SLC39A8: variants seen among roughly 807,000 people sequenced by gnomAD.
SLC39A8 encodes metal cation symporter ZIP8.
A neutral mutation model predicts 40.4 loss-of-function variants in SLC39A8; 15 were observed. The ratio of observed to expected loss-of-function variants is 0.37; its 90% CI spans 0.25 to 0.57. The LOEUF (loss-of-function observed/expected upper bound fraction) is 0.57. Among genes scored for constraint, SLC39A8 ranks in the 20% least tolerant of loss-of-function variants. The pLI is 0.75. For synonymous variants in SLC39A8, 223 were observed against 221.6 expected (o/e 1.01, Z -0.06); for missense variants, 472 against 558.8 (o/e 0.84, Z 1.57).
intron 2 of SLC39A8, among the ~76,000 whole-genome samples, chr4:102,342,322 G>A (rs151234555): frequency 6.6e-6 from 1 of 152,310 alleles, no homozygotes; most frequent in African/African-American, 2.4e-5. Context: ...CCAACAGGGA[G>A]AAACCTCATC....
intron 6 of SLC39A8, among the ~76,000 whole-genome samples, chr4:102,286,539 C>T (rs1045645979): frequency 7.1e-6 from 1 of 140,054 alleles, no homozygotes; most frequent in African/African-American, 2.5e-5. Flanking sequence ...TCTCCAGCAT[C>T]AAAGGCGAGA....
chr4:102,293,690 T>A (rs917179227), intron 6 of SLC39A8, among the ~76,000 whole-genome samples: 1 of 151,866 alleles, frequency 6.6e-6, no homozygotes, highest in South Asian at 2.1e-4. Context: ...ATATAGTAAA[T>A]TACCAAACCA....
intron 4 of SLC39A8, 67 bp from the exon 5 acceptor site, chr4:102,305,178 C>A: frequency 6.7e-7 from 1 of 1,483,066 alleles, no homozygotes; most frequent in Admixed American, 1.9e-5. Flanking sequence ...GAAAATAATA[C>A]CAGTATGCAA....
At chr4:102,344,320 T>G in intron 2 of SLC39A8, 124 bp downstream of exon 2, 1 of 658,826 alleles carries the variant, frequency 1.5e-6, no homozygotes, top group Non-Finnish European at 2.4e-6. Flanking sequence ...GATACCGCCT[T>G]CTACTTGAGA....
intron 6 of SLC39A8, among the ~76,000 whole-genome samples, chr4:102,295,128 A>G (rs916168929): frequency 6.7e-6 from 1 of 148,214 alleles, no homozygotes; most frequent in Non-Finnish European, 1.5e-5. Flanking sequence ...ATTAATATAT[A>G]ATATAAAACT....
intron 6 of SLC39A8, among the ~76,000 whole-genome samples, chr4:102,273,576 A>C (rs1732469839): frequency 6.6e-6 from 1 of 152,180 alleles, no homozygotes; most frequent in South Asian, 2.1e-4. Flanking sequence ...CAGATCTCCC[A>C]GCATAGTGCT....
At chr4:102,288,135 C>G (rs1263700235) in intron 6 of SLC39A8, among the ~76,000 whole-genome samples, 1 of 152,136 alleles carries the variant, frequency 6.6e-6, no homozygotes, top group Non-Finnish European at 1.5e-5. Flanking sequence ...TTGAGCAAGT[C>G]TATCAGCACC....
chr4:102,296,490 G>A (rs1733681738), intron 6 of SLC39A8, among the ~76,000 whole-genome samples: 1 of 152,054 alleles, frequency 6.6e-6, no homozygotes, highest in African/African-American at 2.4e-5. Flanking sequence ...TTTATCACAA[G>A]TGTACAATGT....
intron 3 of SLC39A8, among the ~76,000 whole-genome samples, chr4:102,312,391 T>C (rs946090145): frequency 2.6e-5 from 4 of 152,088 alleles, no homozygotes; most frequent in Non-Finnish European, 4.4e-5. Flanking sequence ...TAACTTAGAA[T>C]TGCTGACTTT....
chr4:102,283,045 A>G (rs1732975538), intron 6 of SLC39A8, among the ~76,000 whole-genome samples: 1 of 152,184 alleles, frequency 6.6e-6, no homozygotes, highest in Admixed American at 6.5e-5. Flanking sequence ...GAAGACTTTT[A>G]TTGGCAACCA....
chr4:102,304,259 AT>A (rs1460036646), intron 6 of SLC39A8, 57 bp downstream of exon 6: 26 of 1,311,154 alleles, frequency 2.0e-5, no homozygotes, highest in Non-Finnish European at 2.8e-5. Flanking sequence ...ATAAACAGTC[AT>A]GTTTACACAG....
intron 3 of SLC39A8, among the ~76,000 whole-genome samples, chr4:102,308,258 G>A (rs995990414): frequency 6.6e-6 from 1 of 152,018 alleles, no homozygotes; most frequent in African/African-American, 2.4e-5. Flanking sequence ...GGGGCAGGAG[G>A]GAGCAGCTGC....
intron 2 of SLC39A8, among the ~76,000 whole-genome samples, chr4:102,321,467 T>G (rs1734965156): frequency 6.6e-6 from 1 of 152,200 alleles, no homozygotes; most frequent in African/African-American, 2.4e-5. Context: ...CTGGAACCAA[T>G]CTGTGAGATG....
At chr4:102,291,139 C>A (rs991765510) in intron 6 of SLC39A8, among the ~76,000 whole-genome samples, 1 of 151,976 alleles carries the variant, frequency 6.6e-6, no homozygotes, top group African/African-American at 2.4e-5. Context: ...ATGACAAACT[C>A]CTTAAAATAG....
rs540562153 is a variant in SLC39A8 at position 102,320,431 on chromosome 4, T to C, written c.220-4601A>G. Reference sequence around the variant, plus strand: ...GAGAATATATATATGAGAATATATATATATGAGAATATATATATGAGAGTA... The same window carrying C: ...GAGAATATATATATGAGAATATATACATATGAGAATATATATATGAGAGTA... On this transcript the variant is annotated intron_variant, in intron 2 of 8. Transcript: ENST00000356736. Among the ~76,000 whole-genome samples the C allele has an allele frequency of 1.2e-3, 134 of 109,100 alleles. 9 individuals are homozygous for C. The highest frequency in any genetic ancestry group is 5.5e-3 in the South Asian group (21 of 3,792). 71.6% of individuals were successfully genotyped at this position (109,100 alleles called of 152,430 possible). A position where few individuals can be genotyped will look rare whatever the true frequency, so the allele number is the denominator to read the frequency against.
intron 2 of SLC39A8, among the ~76,000 whole-genome samples, chr4:102,340,603 T>G (rs1020053260): frequency 5.9e-5 from 9 of 152,144 alleles, no homozygotes; most frequent in African/African-American, 2.2e-4. Context: ...ACTCTAAGTG[T>G]TTGTAGTTTA....
At chr4:102,274,649 A>C (rs190262660) in intron 6 of SLC39A8, among the ~76,000 whole-genome samples, 1 of 152,166 alleles carries the variant, frequency 6.6e-6, no homozygotes, top group Non-Finnish European at 1.5e-5. Context: ...ACACATAATC[A>C]TCAGATTCAC....
chr4:102,258,349 T>G (rs1286455804), downstream of SLC39A8, among the ~76,000 whole-genome samples: 1 of 152,172 alleles, frequency 6.6e-6, no homozygotes, highest in Non-Finnish European at 1.5e-5. Context: ...TATTCCTCAC[T>G]GTCTGCTTGG....
At chr4:102,303,077 G>C (rs1269480943) in intron 6 of SLC39A8, among the ~76,000 whole-genome samples, 1 of 151,824 alleles carries the variant, frequency 6.6e-6, no homozygotes, top group Non-Finnish European at 1.5e-5. Flanking sequence ...CTTCCAGATT[G>C]CTCTATTTTT....
Sources: gnomAD v4.1 joint callset for allele counts (sites outside exome capture counted in the v4.1 genomes callset) on GRCh38, gnomAD v4.1.1 for gene constraint, MANE v1.5 for transcripts, NCBI Gene and HGNC (gene_info 2026-07-23, HGNC 2026-07-21) for gene names.